EEF2K: variants seen among roughly 807,000 people sequenced by gnomAD.
EEF2K encodes alternative protein EEF2K.
In EEF2K, 70 loss-of-function variants were observed where a neutral mutation model predicts 93.8. The ratio of observed to expected loss-of-function variants is 0.75; its 90% CI spans 0.62 to 0.91. EEF2K has a LOEUF of 0.91. Ranked by LOEUF, EEF2K falls within the 40% of genes least tolerant of loss-of-function variation. The pLI, the probability that EEF2K is intolerant of heterozygous loss-of-function variation, is 0.00. For synonymous variants in EEF2K, 376 were observed against 380.8 expected (o/e 0.99, Z 0.15); for missense variants, 935 against 972.9 (o/e 0.96, Z 0.52).
At chr16:22,236,160 T>G (rs2047165483) in intron 2 of EEF2K, among the ~76,000 whole-genome samples, 1 of 152,082 alleles carries the variant, frequency 6.6e-6, no homozygotes, top group South Asian at 2.1e-4. Flanking sequence ...ACCAAACCTC[T>G]AAGTGCATGT....
At chr16:22,250,530 C>A in intron 4 of EEF2K, 124 bp from the exon 5 acceptor site, 1 of 1,158,100 alleles carries the variant, frequency 8.6e-7, no homozygotes, top group South Asian at 1.4e-5. Context: ...CCAGGGATTT[C>A]AGGATTGAGA....
chr16:22,225,569 A>G, intron 1 of EEF2K, 85 bp from the exon 2 acceptor site: 1 of 1,117,556 alleles, frequency 8.9e-7, no homozygotes, highest in Non-Finnish European at 1.2e-6. Flanking sequence ...CTCCTGCGAT[A>G]GCCTGCAGCA....
At chr16:22,238,286 C>T (rs1453014394) in intron 2 of EEF2K, among the ~76,000 whole-genome samples, 2 of 152,076 alleles carry the variant, frequency 1.3e-5, no homozygotes, top group Non-Finnish European at 1.5e-5. Flanking sequence ...GACCACGTCC[C>T]CCACTCCCTG....
chr16:22,216,907 A>G (rs1196683491), intron 1 of EEF2K, among the ~76,000 whole-genome samples: 4 of 152,066 alleles, frequency 2.6e-5, no homozygotes, highest in Admixed American at 2.0e-4. Flanking sequence ...CATGCCTGTA[A>G]TCCCAGCCCT....
chr16:22,237,755 A>G (rs962067120), intron 2 of EEF2K, among the ~76,000 whole-genome samples: 1 of 152,224 alleles, frequency 6.6e-6, no homozygotes, highest in African/African-American at 2.4e-5. Flanking sequence ...GGTCTCTTTG[A>G]GCAACTTCTT....
At chr16:22,264,748 C>G in intron 12 of EEF2K, 70 bp from the exon 13 acceptor site, 3 of 1,576,338 alleles carry the variant, frequency 1.9e-6, no homozygotes, top group African/African-American at 1.3e-5. Context: ...AGGGCTGGAC[C>G]AGCTCTCAGG....
chr16:22,286,998 T>G lies in EEF2K; in HGVS notation c.*3002T>G, dbSNP rs1016427786. 1 of 152,268 alleles carries G rather than the reference T, an allele frequency of 6.6e-6. No homozygotes were observed. The highest frequency in any genetic ancestry group is 2.4e-5 in the African/African-American group (1 of 41,464). 9.4% of individuals were successfully genotyped at this position (152,268 alleles called of 1,614,324 possible). A position where few individuals can be genotyped will look rare whatever the true frequency, so the allele number is the denominator to read the frequency against. On this transcript the variant is annotated 3_prime_UTR_variant, in exon 18 of 18. Coordinates refer to ENST00000263026, the MANE Select transcript of EEF2K (RefSeq NM_013302.5). ...CTGGATACAGAGCTAAGCAAATGCT[T>G]CTTTAAGGGCCCTTAAAAGTGAAAA...
At chr16:22,211,550 C>G (rs2046914301) in intron 1 of EEF2K, among the ~76,000 whole-genome samples, 1 of 152,116 alleles carries the variant, frequency 6.6e-6, no homozygotes, top group African/African-American at 2.4e-5. Context: ...ACCTCTGTCT[C>G]CTTGGTTCAA....
At chr16:22,222,908 G>C (rs1415783474) in intron 1 of EEF2K, among the ~76,000 whole-genome samples, 2 of 151,384 alleles carry the variant, frequency 1.3e-5, no homozygotes, top group Admixed American at 1.3e-4. Flanking sequence ...ACAATTCAAT[G>C]GTATATTCAT....
At chr16:22,254,554 G>C (rs2047381510) in intron 6 of EEF2K, among the ~76,000 whole-genome samples, 1 of 152,118 alleles carries the variant, frequency 6.6e-6, no homozygotes, top group Non-Finnish European at 1.5e-5. Flanking sequence ...TGTGTAACAG[G>C]GCAAGAGGTG....
chr16:22,278,470 T>C (rs1366409811), intron 16 of EEF2K, among the ~76,000 whole-genome samples: 1 of 151,926 alleles, frequency 6.6e-6, no homozygotes, highest in Admixed American at 6.6e-5. Context: ...GAACAGCGGG[T>C]GCAAGGGCCA....
chr16:22,245,968 A>G (rs1292105308), intron 3 of EEF2K, among the ~76,000 whole-genome samples: 1 of 152,062 alleles, frequency 6.6e-6, no homozygotes, highest in East Asian at 1.9e-4. Flanking sequence ...TGGGTATCCT[A>G]TGATTCAATT....
At position 22,285,793 on chromosome 16, in the gene EEF2K, G is replaced by A. The variant is rs2047748124; in HGVS notation, c.*1797G>A. The A allele has an allele frequency of 6.6e-6, 1 of 152,496 alleles. No individual in the cohort carries two copies. The highest frequency in any genetic ancestry group is 2.4e-5 in the African/African-American group (1 of 41,454). The allele number at this position is 152,496 out of a possible 1,614,324, so 9.4% of individuals were successfully genotyped here. ...CATTCTTAACTATTCATTAAAATGG[G>A]TCCTTCAACACCTTAGTGGGGTTTG... On this transcript the variant is annotated 3_prime_UTR_variant, in exon 18 of 18. Coordinates refer to ENST00000263026, the MANE Select transcript of EEF2K (RefSeq NM_013302.5).
intron 2 of EEF2K, among the ~76,000 whole-genome samples, chr16:22,239,450 G>A (rs911808184): frequency 2.0e-5 from 3 of 152,318 alleles, no homozygotes; most frequent in African/African-American, 7.2e-5. Flanking sequence ...CTCCTGACAG[G>A]TGGAGGTCGA....
intron 16 of EEF2K, among the ~76,000 whole-genome samples, chr16:22,278,060 A>C (rs1362520820): frequency 6.6e-6 from 1 of 152,094 alleles, no homozygotes; most frequent in Non-Finnish European, 1.5e-5. Context: ...TTTAAAAATT[A>C]GCCAGGCGTG....
intron 6 of EEF2K, among the ~76,000 whole-genome samples, chr16:22,256,362 G>A (rs972093323): frequency 1.1e-4 from 16 of 151,618 alleles, no homozygotes; most frequent in South Asian, 6.3e-4. Flanking sequence ...CCTCCCAAAG[G>A]GCTGGGATTA....
chr16:22,228,181 A>G (rs969819400), intron 2 of EEF2K, among the ~76,000 whole-genome samples: 2 of 152,078 alleles, frequency 1.3e-5, no homozygotes, highest in African/African-American at 4.8e-5. Flanking sequence ...CACACATTAT[A>G]GGTGCTTAAT....
intron 17 of EEF2K, among the ~76,000 whole-genome samples, chr16:22,282,703 T>C (rs2047707085): frequency 1.3e-5 from 2 of 152,244 alleles, no homozygotes; most frequent in Non-Finnish European, 2.9e-5. Context: ...ATGCTGGTGC[T>C]ATGCTCTTGG....
chr16:22,239,078 A>G (rs2047196157), intron 2 of EEF2K, among the ~76,000 whole-genome samples: 1 of 140,482 alleles, frequency 7.1e-6, no homozygotes, highest in Admixed American at 7.2e-5. Flanking sequence ...AGTACTTTTT[A>G]TACTGTGCTT....
Sources: gnomAD v4.1 joint callset for allele counts (sites outside exome capture counted in the v4.1 genomes callset) on GRCh38, gnomAD v4.1.1 for gene constraint, MANE v1.5 for transcripts, NCBI Gene and HGNC (gene_info 2026-07-23, HGNC 2026-07-21) for gene names.